ZSWIM6: variants seen among roughly 807,000 people sequenced by gnomAD.
The protein encoded by ZSWIM6 is zinc finger SWIM domain-containing protein 6.
ZSWIM6 carries 9 observed loss-of-function variants against 113.2 expected under a neutral mutation model. The observed-to-expected ratio is 0.08, with a 90% CI of 0.05 to 0.14. The LOEUF (loss-of-function observed/expected upper bound fraction) is 0.14, where lower values mean the gene tolerates loss of function less well. ZSWIM6 is among the 10% of genes least tolerant of loss of function. The probability of loss-of-function intolerance (pLI) is 1.00; values close to 1 mark genes in which losing one functional copy is unlikely to be tolerated. For missense variants in ZSWIM6, 1,162 were observed against 1,552.2 expected (o/e 0.75, Z 4.22); for synonymous variants, 611 against 606.5 (o/e 1.01, Z -0.11).
chr5:61,397,438 G>T (rs1158176334), intron 1 of ZSWIM6, among the ~76,000 whole-genome samples: 4 of 152,170 alleles, frequency 2.6e-5, no homozygotes, highest in African/African-American at 9.7e-5. Context: ...GAGAAAAATG[G>T]CAGTTTGTTT....
At position 61,545,855 on chromosome 5, in the gene ZSWIM6, A is replaced by G. The variant is rs1053340662; in HGVS notation, c.*1538A>G. ...ATGGTTCTGTAACCTTGTGCTTTTT[A>G]AAGCAATTTTTATGTTTTGGTGCAA... On this transcript the variant is annotated 3_prime_UTR_variant, in exon 14 of 14. Coordinates refer to ENST00000252744, the MANE Select transcript of ZSWIM6 (RefSeq NM_020928.2). 3 of 152,142 alleles carry G rather than the reference A, an allele frequency of 2.0e-5. No homozygotes were observed. Among genetic ancestry groups the G allele is most frequent in the African/African-American group, 7.2e-5 (3 of 41,434 alleles). 9.4% of individuals were successfully genotyped at this position (152,142 alleles called of 1,614,324 possible).
chr5:61,539,401 C>T (rs1749670041), intron 11 of ZSWIM6, among the ~76,000 whole-genome samples, 195 bp from the exon 12 acceptor site: 1 of 152,096 alleles, frequency 6.6e-6, no homozygotes, highest in Non-Finnish European at 1.5e-5. Context: ...ACAGACATTG[C>T]AGTAATTATG....
chr5:61,393,070 C>T (rs1046686776), intron 1 of ZSWIM6, among the ~76,000 whole-genome samples: 10 of 151,644 alleles, frequency 6.6e-5, no homozygotes, highest in African/African-American at 1.5e-4. Flanking sequence ...GACAGAGTCT[C>T]GCTCTGTCAC....
At chr5:61,514,315 T>C (rs1382999156) in intron 4 of ZSWIM6, among the ~76,000 whole-genome samples, 2 of 151,864 alleles carry the variant, frequency 1.3e-5, no homozygotes, top group East Asian at 1.9e-4. Context: ...GACCTTCTTA[T>C]ACTTACTGGT....
chr5:61,407,744 T>G (rs1215525289), intron 1 of ZSWIM6, among the ~76,000 whole-genome samples: 1 of 152,206 alleles, frequency 6.6e-6, no homozygotes, highest in South Asian at 2.1e-4. Context: ...CCAACTTCGT[T>G]CATAATATGA....
chr5:61,476,198 C>G (rs907920140), intron 2 of ZSWIM6, among the ~76,000 whole-genome samples: 5 of 152,092 alleles, frequency 3.3e-5, no homozygotes, highest in African/African-American at 9.6e-5. Flanking sequence ...AGTTGTTTTT[C>G]TTATTATTTT....
intron 1 of ZSWIM6, among the ~76,000 whole-genome samples, chr5:61,381,146 G>A (rs981189842): frequency 2.6e-5 from 4 of 152,154 alleles, no homozygotes; most frequent in African/African-American, 7.2e-5. Flanking sequence ...CCAGCTACTC[G>A]GGAGGCTGAG....
intron 1 of ZSWIM6, among the ~76,000 whole-genome samples, chr5:61,412,906 T>G (rs967057744): frequency 6.6e-6 from 1 of 152,184 alleles, no homozygotes; most frequent in Non-Finnish European, 1.5e-5. Flanking sequence ...AGACTTAAAG[T>G]CAGTTGCTGG....
chr5:61,361,256 A>G (rs1004924463), intron 1 of ZSWIM6, among the ~76,000 whole-genome samples: 1 of 152,146 alleles, frequency 6.6e-6, no homozygotes, highest in African/African-American at 2.4e-5. Flanking sequence ...TTTACAAATA[A>G]AGGTAACTGA....
intron 4 of ZSWIM6, among the ~76,000 whole-genome samples, chr5:61,506,532 C>A (rs755300855): frequency 2.6e-5 from 4 of 151,966 alleles, no homozygotes; most frequent in Admixed American, 1.3e-4. Flanking sequence ...CAAGATCACG[C>A]CACTGCACTC....
intron 1 of ZSWIM6, among the ~76,000 whole-genome samples, chr5:61,395,485 T>A (rs1745818040): frequency 6.6e-6 from 1 of 152,160 alleles, no homozygotes; most frequent in Middle Eastern, 3.2e-3. Context: ...GAATACTGAG[T>A]TAAGCAATAT....
At chr5:61,509,449 C>A (rs1278677060) in intron 4 of ZSWIM6, among the ~76,000 whole-genome samples, 5 of 152,088 alleles carry the variant, frequency 3.3e-5, no homozygotes, top group Non-Finnish European at 7.4e-5. Context: ...AGGAAGAGTA[C>A]GCACATAGAG....
chr5:61,409,788 G>A (rs1318074803), intron 1 of ZSWIM6, among the ~76,000 whole-genome samples: 1 of 152,132 alleles, frequency 6.6e-6, no homozygotes, highest in African/African-American at 2.4e-5. Context: ...GGGTGGGTAA[G>A]CATGGAGTGC....
At chr5:61,502,441 C>T (rs138788070) in intron 4 of ZSWIM6, among the ~76,000 whole-genome samples, 44 of 152,228 alleles carry the variant, frequency 2.9e-4, no homozygotes, top group Middle Eastern at 3.4e-3. Flanking sequence ...CAGGGGGAAG[C>T]GAGTGCTGAA....
At chr5:61,534,266 T>G (rs551079219) in intron 9 of ZSWIM6, among the ~76,000 whole-genome samples, 1 of 152,200 alleles carries the variant, frequency 6.6e-6, no homozygotes, top group Non-Finnish European at 1.5e-5. Context: ...AATTAGAGAT[T>G]TAGATGTTAG....
At chr5:61,408,430 T>C (rs1360053289) in intron 1 of ZSWIM6, among the ~76,000 whole-genome samples, 1 of 152,258 alleles carries the variant, frequency 6.6e-6, no homozygotes, top group Non-Finnish European at 1.5e-5. Flanking sequence ...AATACGTTGT[T>C]TTAATAAAAT....
intron 9 of ZSWIM6, 82 bp from the exon 10 acceptor site, chr5:61,535,402 T>C (rs1749547847): frequency 4.8e-6 from 7 of 1,447,842 alleles, no homozygotes. Flanking sequence ...TATAACTTTA[T>C]GTGACATTTT....
At chr5:61,377,547 G>A (rs929810192) in intron 1 of ZSWIM6, among the ~76,000 whole-genome samples, 4 of 151,912 alleles carry the variant, frequency 2.6e-5, no homozygotes, top group African/African-American at 7.3e-5. Flanking sequence ...GTGAAACCCC[G>A]TCTCTACTAA....
intron 1 of ZSWIM6, among the ~76,000 whole-genome samples, chr5:61,413,400 A>G (rs1014092958): frequency 5.3e-5 from 8 of 151,470 alleles, no homozygotes; most frequent in Non-Finnish European, 1.0e-4. Context: ...TATGTGCCAC[A>G]TTTTCTTAAT....
Sources: gnomAD v4.1 joint callset for allele counts (sites outside exome capture counted in the v4.1 genomes callset) on GRCh38, gnomAD v4.1.1 for gene constraint, MANE v1.5 for transcripts, NCBI Gene and HGNC (gene_info 2026-07-23, HGNC 2026-07-21) for gene names.